The following CAMKMT variants were observed in gnomAD, a reference collection of about 807,000 sequenced individuals.
The protein encoded by CAMKMT is CaM KMT.
CAMKMT carries 53 observed loss-of-function variants against 48.0 expected under a neutral mutation model. The observed-to-expected ratio is 1.10, with a 90% CI of 0.89 to 1.39. CAMKMT has a LOEUF of 1.39. Among genes scored for constraint, CAMKMT ranks in the 40% most tolerant of loss-of-function variants. CAMKMT has a pLI of 0.00. For missense variants in CAMKMT, 428 were observed against 402.7 expected, an observed-to-expected ratio of 1.06 and a Z score of -0.54; for synonymous variants, 165 against 152.3, an observed-to-expected ratio of 1.08 and a Z score of -0.61.
chr2:44,505,195 TCAAA>T (rs1670198895), intron 3 of CAMKMT, among the ~76,000 whole-genome samples: 1 of 151,992 alleles, frequency 6.6e-6, no homozygotes, highest in Non-Finnish European at 1.5e-5. Flanking sequence ...TTTGGAGGGG[TCAAA>T]CAAACCATAT....
intron 3 of CAMKMT, among the ~76,000 whole-genome samples, chr2:44,469,350 A>ATT (rs10648196): frequency 0.67 from 100,158 of 150,126 alleles, 33,454 homozygotes; most frequent in Admixed American, 0.75. Flanking sequence ...ATTAAACCTG[A>ATT]TTTTTTTTTT....
At chr2:44,462,575 T>C (rs1464106641) in intron 3 of CAMKMT, among the ~76,000 whole-genome samples, 1 of 152,144 alleles carries the variant, frequency 6.6e-6, no homozygotes, top group African/African-American at 2.4e-5. Flanking sequence ...CAAACAAAAC[T>C]GTAGTGAATA....
chr2:44,568,517 A>C (rs1354340354), intron 3 of CAMKMT, among the ~76,000 whole-genome samples: 1 of 152,180 alleles, frequency 6.6e-6, no homozygotes, highest in Non-Finnish European at 1.5e-5. Context: ...GAGCATTTTA[A>C]TATGCCACTG....
At chr2:44,702,016 C>T (rs1474507337) in intron 3 of CAMKMT, among the ~76,000 whole-genome samples, 5 of 151,878 alleles carry the variant, frequency 3.3e-5, no homozygotes, top group Admixed American at 6.6e-5. Context: ...TAAAAATCAG[C>T]CTCTATAATT....
chr2:44,718,890 A>C (rs2104312286), intron 7 of CAMKMT, among the ~76,000 whole-genome samples: 1 of 152,244 alleles, frequency 6.6e-6, no homozygotes, highest in Non-Finnish European at 1.5e-5. Context: ...TTATAACCCA[A>C]ACTTTACCTT....
intron 3 of CAMKMT, among the ~76,000 whole-genome samples, chr2:44,416,736 G>A (rs767719647): frequency 2.0e-5 from 3 of 151,142 alleles, no homozygotes; most frequent in Non-Finnish European, 4.4e-5. Flanking sequence ...AACCACACCC[G>A]GCTAATTTTT....
At chr2:44,577,941 C>T (rs1226142214) in intron 3 of CAMKMT, among the ~76,000 whole-genome samples, 2 of 152,218 alleles carry the variant, frequency 1.3e-5, no homozygotes, top group Non-Finnish European at 1.5e-5. Flanking sequence ...ATCATTTCTT[C>T]TTAAGTTTAT....
chr2:44,460,511 AG>A (rs895002320), intron 3 of CAMKMT, among the ~76,000 whole-genome samples: 11 of 152,136 alleles, frequency 7.2e-5, no homozygotes, highest in Non-Finnish European at 1.0e-4. Flanking sequence ...TATCAAAAAC[AG>A]TTCAAATTCT....
At chr2:44,600,129 T>A (rs1183301444) in intron 3 of CAMKMT, among the ~76,000 whole-genome samples, 1 of 152,134 alleles carries the variant, frequency 6.6e-6, no homozygotes, top group Non-Finnish European at 1.5e-5. Context: ...ATCATTGAAT[T>A]GAAATGGGAA....
intron 3 of CAMKMT, among the ~76,000 whole-genome samples, chr2:44,471,088 G>A (rs576638894): frequency 2.1e-5 from 3 of 144,618 alleles, no homozygotes; most frequent in South Asian, 2.2e-4. Flanking sequence ...TCCGCCTTCC[G>A]ATTTCAAGCA....
chr2:44,395,922 GA>G (rs1345591555), intron 3 of CAMKMT, among the ~76,000 whole-genome samples: 1 of 151,986 alleles, frequency 6.6e-6, no homozygotes, highest in Non-Finnish European at 1.5e-5. Context: ...CATTATTGCA[GA>G]AATACACATA....
intron 7 of CAMKMT, among the ~76,000 whole-genome samples, chr2:44,727,527 G>C (rs991069026): frequency 6.6e-6 from 1 of 152,112 alleles, no homozygotes; most frequent in African/African-American, 2.4e-5. Context: ...AGAGTCTTTA[G>C]GATTTTCTAA....
At chr2:44,445,645 GTTTTTTTTTTTTTTT>G (rs869258613) in intron 3 of CAMKMT, among the ~76,000 whole-genome samples, 50 of 101,402 alleles carry the variant, frequency 4.9e-4, no homozygotes, top group African/African-American at 1.6e-3. Flanking sequence ...CAAAAGGGTA[GTTTTTTTTTTTTTTT>G]TTTTTTTTTT....
At chr2:44,482,011 A>G (rs936404464) in intron 3 of CAMKMT, among the ~76,000 whole-genome samples, 3 of 152,102 alleles carry the variant, frequency 2.0e-5, no homozygotes, top group African/African-American at 4.8e-5. Context: ...CTTTAATATT[A>G]GTAAAATATT....
chr2:44,397,535 G>A (rs182160716), intron 3 of CAMKMT, among the ~76,000 whole-genome samples: 55 of 152,272 alleles, frequency 3.6e-4, no homozygotes, highest in Non-Finnish European at 7.4e-4. Context: ...CTAGCCATGT[G>A]TCTCCAACTT....
intron 3 of CAMKMT, among the ~76,000 whole-genome samples, chr2:44,549,147 C>T (rs1043716892): frequency 6.6e-6 from 1 of 152,042 alleles, no homozygotes; most frequent in Non-Finnish European, 1.5e-5. Flanking sequence ...CGGCTAAGCT[C>T]TTCTTTCTGT....
At chr2:44,691,335 A>C (rs1270456035) in intron 3 of CAMKMT, among the ~76,000 whole-genome samples, 1 of 152,210 alleles carries the variant, frequency 6.6e-6, no homozygotes, top group African/African-American at 2.4e-5. Flanking sequence ...CCCTACGACC[A>C]GGGCCTCGGG....
At position 44,390,283 on chromosome 2, in the gene CAMKMT, C is replaced by G; in HGVS notation, c.354C>G (p.Ser118Arg). ...TGAATGTTGAAGATGTCCTTACCAG[C>G]TTTGACAATACAGGAAATGTTTGTA... ...GSLNVEDVLTSFDNTGNVCIW... is the reference protein window; with the variant it reads ...GSLNVEDVLTRFDNTGNVCIW... Residue 118 changes from serine (S) to arginine (R), a missense_variant, in exon 3 of 11, where the codon AGC (serine) becomes AGG (arginine). Transcript: ENST00000378494. The G allele has an allele frequency of 3.1e-6, 5 of 1,608,726 alleles. No individual in the cohort carries two copies. The highest frequency in any genetic ancestry group is 4.2e-6 in the Non-Finnish European group (5 of 1,177,248).
At chr2:44,393,313 T>G (rs935994924) in intron 3 of CAMKMT, 2 of 152,222 alleles carry the variant, frequency 1.3e-5, no homozygotes, top group African/African-American at 4.8e-5. Context: ...ATGTATGAAC[T>G]GCAAAGTGTT....
Sources: gnomAD v4.1 joint callset for allele counts (sites outside exome capture counted in the v4.1 genomes callset) on GRCh38, gnomAD v4.1.1 for gene constraint, MANE v1.5 for transcripts, NCBI Gene and HGNC (gene_info 2026-07-23, HGNC 2026-07-21) for gene names.